CTXND2: variants seen among roughly 807,000 people sequenced by gnomAD.
CTXND2 encodes cortexin domain containing 2.
intron 1 of CTXND2, among the ~76,000 whole-genome samples, chr1:150,891,065 T>C (rs1381143137): frequency 1.3e-5 from 2 of 152,178 alleles, no homozygotes; most frequent in Non-Finnish European, 2.9e-5. Flanking sequence ...ATGTTCCTTC[T>C]GACATTGGAG....
chr1:150,910,120 GTTTTT>G (rs1023134562), intron 1 of CTXND2, among the ~76,000 whole-genome samples: 2 of 131,238 alleles, frequency 1.5e-5, no homozygotes, highest in African/African-American at 5.6e-5. Context: ...TCTTTTTTCT[GTTTTT>G]TTTTTTTCTT....
At chr1:150,912,289 A>T (rs1227232260) in exon 2 of CTXND2, 4 of 398,508 alleles carry the variant, frequency 1.0e-5, no homozygotes, top group Non-Finnish European at 1.8e-5. Context: ...CTGGAGCTGG[A>T]CAACAGTAAC....
chr1:150,893,551 G>T (rs780758832), intron 1 of CTXND2, among the ~76,000 whole-genome samples: 1 of 152,008 alleles, frequency 6.6e-6, no homozygotes, highest in African/African-American at 2.4e-5. Context: ...CTTGATCTCC[G>T]GGCTTCAAGT....
intron 1 of CTXND2, among the ~76,000 whole-genome samples, chr1:150,911,929 CTT>C (rs1669262726): frequency 6.6e-6 from 1 of 152,168 alleles, no homozygotes; most frequent in East Asian, 1.9e-4. Flanking sequence ...AGGATTTTGA[CTT>C]AACACAGAAT....
At chr1:150,889,160 A>G (rs969786851) in intron 1 of CTXND2, among the ~76,000 whole-genome samples, 3 of 152,048 alleles carry the variant, frequency 2.0e-5, no homozygotes, top group African/African-American at 7.2e-5. Flanking sequence ...CTGTAATCCC[A>G]GCACTCTGGG....
At chr1:150,908,999 G>A (rs1456825876) in intron 1 of CTXND2, among the ~76,000 whole-genome samples, 1 of 151,926 alleles carries the variant, frequency 6.6e-6, no homozygotes, top group East Asian at 1.9e-4. Flanking sequence ...CAGCACTTTG[G>A]GAGGCCAAGG....
chr1:150,893,598 A>G (rs1668878936), intron 1 of CTXND2, among the ~76,000 whole-genome samples: 1 of 152,170 alleles, frequency 6.6e-6, no homozygotes, highest in Non-Finnish European at 1.5e-5. Context: ...AGCTGGAAGT[A>G]CAGACATGCA....
At chr1:150,898,925 A>AAC (rs1235741274) in intron 1 of CTXND2, among the ~76,000 whole-genome samples, 7 of 123,416 alleles carry the variant, frequency 5.7e-5, no homozygotes, top group African/African-American at 2.0e-4. Context: ...AAAATACAAA[A>AAC]AAAAAAATAT....
At chr1:150,908,555 T>C (rs1436761213) in intron 1 of CTXND2, among the ~76,000 whole-genome samples, 1 of 152,168 alleles carries the variant, frequency 6.6e-6, no homozygotes, top group Non-Finnish European at 1.5e-5. Flanking sequence ...TTGCATATCT[T>C]CCTTATGCAG....
chr1:150,900,443 G>A (rs1274974786), intron 1 of CTXND2, among the ~76,000 whole-genome samples: 1 of 152,196 alleles, frequency 6.6e-6, no homozygotes, highest in East Asian at 1.9e-4. Context: ...CACTCACCGT[G>A]AGGGTCTGCA....
At chr1:150,895,421 G>A (rs587750636) in intron 1 of CTXND2, among the ~76,000 whole-genome samples, 7 of 151,674 alleles carry the variant, frequency 4.6e-5, no homozygotes, top group African/African-American at 1.7e-4. Context: ...TCAGCTCACT[G>A]CAACCTCCAC....
At chr1:150,901,985 G>T (rs1407620005) in intron 1 of CTXND2, among the ~76,000 whole-genome samples, 3 of 151,826 alleles carry the variant, frequency 2.0e-5, no homozygotes, top group Non-Finnish European at 2.9e-5. Context: ...AATGCTAGAG[G>T]CTGAGCACAG....
intron 1 of CTXND2, among the ~76,000 whole-genome samples, chr1:150,901,739 C>T (rs925641445): frequency 5.3e-5 from 8 of 150,870 alleles, no homozygotes; most frequent in East Asian, 4.0e-4. Context: ...ACAGTGAAAC[C>T]GTGTGTCTAC....
intron 1 of CTXND2, among the ~76,000 whole-genome samples, chr1:150,900,694 C>T (rs1050959594): frequency 3.3e-5 from 5 of 151,590 alleles, no homozygotes; most frequent in Non-Finnish European, 7.4e-5. Context: ...AAAATATTTG[C>T]AATATATATT....
chr1:150,890,208 CCAAT>C (rs1437091715), intron 1 of CTXND2, among the ~76,000 whole-genome samples: 1 of 152,034 alleles, frequency 6.6e-6, no homozygotes, highest in East Asian at 1.9e-4. Context: ...CTCTGAGAAA[CCAAT>C]CAAACGTACT....
intron 1 of CTXND2, among the ~76,000 whole-genome samples, chr1:150,901,396 C>T (rs1391102576): frequency 6.6e-6 from 1 of 152,100 alleles, no homozygotes; most frequent in East Asian, 1.9e-4. Flanking sequence ...ACTGACAAGC[C>T]GATTCTGAAA....
At chr1:150,901,397 G>A (rs918786059) in intron 1 of CTXND2, among the ~76,000 whole-genome samples, 1 of 152,130 alleles carries the variant, frequency 6.6e-6, no homozygotes, top group Non-Finnish European at 1.5e-5. Context: ...CTGACAAGCC[G>A]ATTCTGAAAT....
intron 1 of CTXND2, among the ~76,000 whole-genome samples, chr1:150,894,704 C>A (rs1380142746): frequency 6.6e-6 from 1 of 151,990 alleles, no homozygotes; most frequent in African/African-American, 2.4e-5. Flanking sequence ...CTGAATTGAA[C>A]CCTTGATCAT....
intron 1 of CTXND2, among the ~76,000 whole-genome samples, chr1:150,887,879 G>C (rs891947237): frequency 6.7e-6 from 1 of 149,888 alleles, no homozygotes; most frequent in Non-Finnish European, 1.5e-5. Context: ...AAAAGGTAAT[G>C]GATCTTTCTG....
Sources: gnomAD v4.1 joint callset for allele counts (sites outside exome capture counted in the v4.1 genomes callset) on GRCh38, gnomAD v4.1.1 for gene constraint, MANE v1.5 for transcripts, NCBI Gene and HGNC (gene_info 2026-07-23, HGNC 2026-07-21) for gene names.